The following HDLBP variants were observed in gnomAD, a reference collection of about 807,000 sequenced individuals.
HDLBP encodes the protein high density lipoprotein binding protein.
A neutral mutation model predicts 137.3 loss-of-function variants in HDLBP; 30 were observed. The ratio of observed to expected loss-of-function variants is 0.22; its 90% CI spans 0.16 to 0.30. HDLBP has a LOEUF of 0.30. HDLBP is among the 10% of genes least tolerant of loss of function. The pLI is 1.00. For synonymous variants in HDLBP, 606 were observed against 596.0 expected (o/e 1.02, Z -0.24); for missense variants, 1,119 against 1,667.3 (o/e 0.67, Z 5.73).
At chr2:241,287,060 A>C (rs953063390) in intron 1 of HDLBP, among the ~76,000 whole-genome samples, 1 of 152,236 alleles carries the variant, frequency 6.6e-6, no homozygotes, top group Non-Finnish European at 1.5e-5. Flanking sequence ...AAAACAGGTC[A>C]GTTAAGGGGG....
intron 16 of HDLBP, 82 bp from the exon 17 acceptor site, chr2:241,242,760 G>A: frequency 8.3e-7 from 1 of 1,206,942 alleles, no homozygotes; most frequent in Non-Finnish European, 1.2e-6. Context: ...TATCATCTTT[G>A]GTGGTGATGA....
In HDLBP at chr2:241,264,491, C is replaced by G. The variant is rs1456699162; in HGVS notation, c.191G>C (p.Trp64Ser). 1 of 1,613,678 alleles carries G rather than the reference C, an allele frequency of 6.2e-7. No homozygotes were observed. Among genetic ancestry groups the G allele is most frequent in the East Asian group, 2.2e-5 (1 of 44,874 alleles). The change falls in exon 4 of 28, where the codon TGG (tryptophan) becomes TCG (serine). Residue 64 changes from tryptophan to serine, a missense_variant. Physicochemically the swap from Trp to Ser is radical, Grantham distance 177. Coordinates refer to ENST00000310931, the MANE Select transcript of HDLBP (RefSeq NM_005336.6). ...CTTGATGGGTCGGATCTTGTTCCCCCAGGCTCCAGCGGGTTCCTGGGCACT... is the reference window on the plus strand; with the variant it reads ...CTTGATGGGTCGGATCTTGTTCCCCGAGGCTCCAGCGGGTTCCTGGGCACT... ...LESAQEPAGA[W>S]GNKIRPIKAS...
chr2:241,277,303 GAATA>G (rs2074425780), intron 1 of HDLBP, among the ~76,000 whole-genome samples: 1 of 151,852 alleles, frequency 6.6e-6, no homozygotes, highest in South Asian at 2.1e-4. Context: ...AAAAACACCA[GAATA>G]AACAAAAGAA....
At chr2:241,246,632 C>A in intron 16 of HDLBP, 120 bp downstream of exon 16, 1 of 964,798 alleles carries the variant, frequency 1.0e-6, no homozygotes, top group Non-Finnish European at 1.6e-6. Flanking sequence ...TTGAAAGGTG[C>A]AATCTTCCAC....
chr2:241,277,863 AGGCAGGAGAATCGCTT>A (rs2074450604), intron 1 of HDLBP, among the ~76,000 whole-genome samples: 4 of 152,136 alleles, frequency 2.6e-5, no homozygotes, highest in African/African-American at 4.8e-5. Flanking sequence ...CAGGAGGCCG[AGGCAGGAGAATCGCTT>A]GTACCTGGGA....
chr2:241,262,446 CTCTG>C (rs1158720940), intron 5 of HDLBP, among the ~76,000 whole-genome samples: 1 of 135,152 alleles, frequency 7.4e-6, no homozygotes, highest in Non-Finnish European at 1.6e-5. Flanking sequence ...CAAGGTGAGA[CTCTG>C]TCTCTTAAAA....
intron 1 of HDLBP, among the ~76,000 whole-genome samples, chr2:241,276,480 C>G (rs559258982): frequency 6.6e-6 from 1 of 152,074 alleles, no homozygotes; most frequent in East Asian, 1.9e-4. Context: ...AAATAAAACA[C>G]AAAACTGATG....
intron 1 of HDLBP, among the ~76,000 whole-genome samples, chr2:241,310,406 C>T (rs1297021120): frequency 3.3e-5 from 5 of 152,078 alleles, no homozygotes; most frequent in Admixed American, 1.3e-4. Context: ...AAAGTGCTGA[C>T]AGTAATCTCA....
intron 1 of HDLBP, among the ~76,000 whole-genome samples, chr2:241,308,769 T>C (rs1472880154): frequency 6.6e-6 from 1 of 152,174 alleles, no homozygotes; most frequent in Non-Finnish European, 1.5e-5. Context: ...ATAACAACAA[T>C]ACTTGCCTCC....
chr2:241,284,179 G>A (rs574573448), intron 1 of HDLBP, among the ~76,000 whole-genome samples: 5 of 152,278 alleles, frequency 3.3e-5, no homozygotes, highest in African/African-American at 9.6e-5. Context: ...AAGTAATTTC[G>A]ACTTTCAAGA....
chr2:241,266,706 T>A, intron 3 of HDLBP, 88 bp downstream of exon 3: 2 of 910,064 alleles, frequency 2.2e-6, no homozygotes, highest in South Asian at 2.8e-5. Context: ...CAAAAGGTAC[T>A]TCTAGAAAGG....
At position 241,240,579 on chromosome 2, in the gene HDLBP, C is replaced by T. The variant is rs886515974; in HGVS notation, c.2170-457G>A. ...CTTCTACCTGCTTCCAGACCAAGCA[C>T]ACACAAATCTGGGCCAGGCTCCCTT... is the stretch of plus-strand genomic sequence containing the variant. On this transcript the variant is annotated intron_variant, in intron 17 of 27. Transcript: ENST00000310931. The surrounding 1 kb of genome is among the most constrained non-coding windows in gnomAD (Gnocchi z 5.5). Among the ~76,000 whole-genome samples the T allele has an allele frequency of 9.2e-5, 14 of 152,310 alleles. No homozygotes were observed. The highest frequency in any genetic ancestry group is 2.1e-4 in the South Asian group (1 of 4,826).
intron 1 of HDLBP, among the ~76,000 whole-genome samples, chr2:241,277,379 A>T (rs539074706): frequency 1.6e-4 from 25 of 152,352 alleles, no homozygotes; most frequent in African/African-American, 6.0e-4. Context: ...CAAAGGATAA[A>T]CAAAACCTAC....
chr2:241,283,558 T>A (rs910973870), intron 1 of HDLBP, among the ~76,000 whole-genome samples: 1 of 151,412 alleles, frequency 6.6e-6, no homozygotes, highest in Non-Finnish European at 1.5e-5. Flanking sequence ...CAGTGTAACC[T>A]CTGCCTCCCA....
At position 241,240,096 on chromosome 2, in the gene HDLBP, G is replaced by T. The variant is rs1339596954; in HGVS notation, c.2196C>A (p.Ile732=). ...EKQTKSFTVD[I]RAKPEYHKFL... is the part of the protein sequence containing the mutation. ...ATTTGTGGTATTCTGGCTTGGCGCGGATGTCAACAGTGAAACTCTTGGTTT... is the reference window on the plus strand; with the variant it reads ...ATTTGTGGTATTCTGGCTTGGCGCGTATGTCAACAGTGAAACTCTTGGTTT... Residue 732 remains isoleucine (I), a synonymous_variant, in exon 18 of 28, where the codon ATC becomes ATA. Coordinates refer to ENST00000310931, the MANE Select transcript of HDLBP (RefSeq NM_005336.6). This position sits in a 1 kb window ranked among gnomAD's most constrained non-coding sequence, Gnocchi z 5.5. The T allele has an allele frequency of 1.9e-6, 3 of 1,614,058 alleles. No homozygotes were observed. The highest frequency in any genetic ancestry group is 2.7e-5 in the African/African-American group (2 of 74,908).
At chr2:241,277,901 C>T (rs1194938529) in intron 1 of HDLBP, among the ~76,000 whole-genome samples, 1 of 152,028 alleles carries the variant, frequency 6.6e-6, no homozygotes, top group African/African-American at 2.4e-5. Flanking sequence ...GTGGAGGTTG[C>T]CGTGGGCCGA....
In HDLBP at chr2:241,229,850, C is replaced by A. The variant is rs367686311; in HGVS notation, c.3703G>T (p.Ala1235Ser). 2 of 1,356,226 alleles carry A rather than the reference C, an allele frequency of 1.5e-6. No individual in the cohort carries two copies. Among genetic ancestry groups the A allele is most frequent in the South Asian group, 1.2e-5 (1 of 83,982 alleles). 84.0% of individuals were successfully genotyped at this position (1,356,226 alleles called of 1,614,324 possible). The change falls in exon 27 of 28, where the codon GCC becomes TCC. Residue 1235 changes from alanine to serine, a missense_variant. By Grantham distance (99) the Ala-to-Ser change is moderately conservative. Coordinates refer to ENST00000310931, the MANE Select transcript of HDLBP (RefSeq NM_005336.6). ...GFVVRDAPWTASSSEKAPDMS... is the reference protein window; with the variant it reads ...GFVVRDAPWTSSSSEKAPDMS... ...CATCTGACCTTCTCACTGCTGCTGG[C>A]GGTCCAGGGTGCGTCCCGCACCACA...
intron 1 of HDLBP, among the ~76,000 whole-genome samples, chr2:241,292,196 C>A (rs1011568469): frequency 2.0e-5 from 3 of 151,872 alleles, no homozygotes; most frequent in East Asian, 3.9e-4. Context: ...CCCCACCCCC[C>A]CAACAACAAA....
In HDLBP at chr2:241,305,752, GTTTA is replaced by G. The variant is rs1036657064; in HGVS notation, c.-103+9814_-103+9817del. ...TATAGGAAGCAATGAATACAAAGTT[GTTTA>G]TTTGTTTTTTTTTTTTTTTTTGAGA... On this transcript the variant is annotated intron_variant, in intron 1 of 27. Transcript: ENST00000310931. 1.4e-4 allele frequency among the ~76,000 whole-genome samples: 21 copies of G among 148,734 alleles called. No individual in the cohort carries two copies. In the South Asian group the frequency reaches 1.5e-3, roughly 11 times the overall value.
Sources: gnomAD v4.1 joint callset for allele counts (sites outside exome capture counted in the v4.1 genomes callset) on GRCh38, gnomAD v4.1.1 for gene constraint, Gnocchi (gnomAD v3.1) non-coding constraint, MANE v1.5 for transcripts, NCBI Gene and HGNC (gene_info 2026-07-23, HGNC 2026-07-21) for gene names.